Variants in MOB3B observed in about 807,000 individuals in gnomAD.
MOB3B encodes the protein MOB kinase activator-like 2B.
MOB3B carries 7 observed loss-of-function variants against 18.7 expected under a neutral mutation model. The observed-to-expected ratio is 0.37, with a 90% CI of 0.21 to 0.70. The LOEUF is 0.70. Ranked by LOEUF, MOB3B falls within the 30% of genes least tolerant of loss-of-function variation. The pLI is 0.52. For synonymous variants in MOB3B, 111 were observed against 99.9 expected (o/e 1.11, Z -0.66); for missense variants, 253 against 281.3 (o/e 0.90, Z 0.72).
At chr9:27,389,140 A>G (rs570857220) in intron 2 of MOB3B, among the ~76,000 whole-genome samples, 2 of 152,332 alleles carry the variant, frequency 1.3e-5, no homozygotes, top group Admixed American at 1.3e-4. Context: ...TTATATCAGG[A>G]GTACTCATAG....
At position 27,474,143 on chromosome 9, in the gene MOB3B, TC is replaced by T. The variant is rs1472585050; in HGVS notation, c.-198-18396del. ...AAGACACACAGATATTTACACGATC[TC>T]ATTTTTATTATAGTCTAGGTTTACA... On this transcript the variant is annotated intron_variant, in intron 1 of 3. Coordinates refer to ENST00000262244, the MANE Select transcript of MOB3B (RefSeq NM_024761.5). Among the ~76,000 whole-genome samples the T allele has an allele frequency of 3.3e-5, 5 of 152,356 alleles. No homozygotes were observed. The South Asian group carries it at 8.3e-4, about 25-fold the overall frequency.
At chr9:27,460,119 A>G (rs796693658) in intron 1 of MOB3B, among the ~76,000 whole-genome samples, 8 of 152,344 alleles carry the variant, frequency 5.3e-5, no homozygotes, top group African/African-American at 1.9e-4. Context: ...ACAATTTGGT[A>G]TGTAGTTTTG....
intron 1 of MOB3B, among the ~76,000 whole-genome samples, chr9:27,476,741 T>C (rs1819558680): frequency 6.6e-6 from 1 of 152,196 alleles, no homozygotes; most frequent in South Asian, 2.1e-4. Flanking sequence ...GACATCCAAC[T>C]TACAAGGAGT....
chr9:27,355,273 G>T (rs536995510), intron 3 of MOB3B, among the ~76,000 whole-genome samples: 63 of 152,256 alleles, frequency 4.1e-4, no homozygotes, highest in African/African-American at 1.5e-3. Flanking sequence ...GGTGGTGGGG[G>T]GGTCTCAGAG....
intron 2 of MOB3B, among the ~76,000 whole-genome samples, chr9:27,415,911 C>T (rs772804828): frequency 1.3e-5 from 2 of 152,068 alleles, no homozygotes; most frequent in Admixed American, 6.6e-5. Context: ...GGGTTTCGTG[C>T]GTGTATTTAT....
In MOB3B at chr9:27,370,757, A is replaced by G. The variant is rs548411818; in HGVS notation, c.419-11521T>C. On this transcript the variant is annotated intron_variant, in intron 2 of 3. Coordinates refer to ENST00000262244, the MANE Select transcript of MOB3B (RefSeq NM_024761.5). The stretch of plus-strand genomic sequence containing the variant: ...CAGCTTGAATGGACTAGGCCAGTGA[A>G]TAAACAAATAACCATAGAAACCTGA... 1.2e-4 allele frequency among the ~76,000 whole-genome samples: 18 copies of G among 152,318 alleles called. No individual in the cohort carries two copies. The South Asian group carries it at 3.7e-3, about 32-fold the overall frequency.
Position 27,484,449 on chromosome 9 carries a change from C to T in MOB3B, c.-198-28701G>A, listed in dbSNP as rs376240809. Among the ~76,000 whole-genome samples the T allele has an allele frequency of 3.5e-3, 538 of 152,238 alleles. 1 individual carries two copies. Among genetic ancestry groups the T allele is most frequent in the Middle Eastern group, 0.024 (7 of 294 alleles). ...GAAGCCATGGCAAGTGGACATTTCT[C>T]CCTGTGCAAAACTGATGAGTGGGAG... On this transcript the variant is annotated intron_variant, in intron 1 of 3. Coordinates refer to ENST00000262244, the MANE Select transcript of MOB3B (RefSeq NM_024761.5).
intron 2 of MOB3B, among the ~76,000 whole-genome samples, chr9:27,410,309 G>T (rs901856076): frequency 5.9e-5 from 9 of 152,040 alleles, no homozygotes; most frequent in African/African-American, 1.7e-4. Flanking sequence ...ACCCAATGGG[G>T]TCATTTATTC....
At chr9:27,501,573 A>T (rs1587261984) in intron 1 of MOB3B, among the ~76,000 whole-genome samples, 1 of 140,666 alleles carries the variant, frequency 7.1e-6, no homozygotes, top group Non-Finnish European at 1.6e-5. Context: ...ACACAGGGAG[A>T]GGAACATCAC....
rs183747046 is a variant in MOB3B at position 27,420,911 on chromosome 9, C to A, written c.418+34222G>T. Among the ~76,000 whole-genome samples the A allele has an allele frequency of 8.6e-3, 919 of 106,752 alleles. 6 individuals are homozygous for A. Among genetic ancestry groups the A allele is most frequent in the African/African-American group, 0.024 (896 of 38,054 alleles). The allele number at this position is 106,752 out of a possible 152,430, so 70.0% of individuals were successfully genotyped here. ...CCACTAAAGAACTTACTCATGTAAC[C>A]AAATACCACCTATACCTCAATAACT... On this transcript the variant is annotated intron_variant, in intron 2 of 3. Coordinates refer to ENST00000262244, the MANE Select transcript of MOB3B (RefSeq NM_024761.5).
chr9:27,358,520 C>T (rs1821226232), intron 3 of MOB3B, among the ~76,000 whole-genome samples: 1 of 152,178 alleles, frequency 6.6e-6, no homozygotes, highest in Admixed American at 6.5e-5. Context: ...AAAGCAAAGT[C>T]CCTATGAGAC....
chr9:27,369,931 T>C (rs1485989092), intron 2 of MOB3B, among the ~76,000 whole-genome samples: 1 of 123,758 alleles, frequency 8.1e-6, no homozygotes, highest in Non-Finnish European at 1.6e-5. Context: ...CAACTTTTAA[T>C]TGTCCTTTTT....
intron 2 of MOB3B, among the ~76,000 whole-genome samples, chr9:27,405,711 A>G (rs948780829): frequency 5.9e-5 from 9 of 152,216 alleles, no homozygotes; most frequent in Non-Finnish European, 1.3e-4. Context: ...ATGAACACAG[A>G]TGCAAAAATC....
At chr9:27,386,728 T>C (rs950865148) in intron 2 of MOB3B, among the ~76,000 whole-genome samples, 2 of 152,238 alleles carry the variant, frequency 1.3e-5, no homozygotes, top group African/African-American at 4.8e-5. Context: ...GGAATTGCAT[T>C]CAGAGCACAT....
At chr9:27,470,114 GAAAAAAAAAA>G (rs751414011) in intron 1 of MOB3B, among the ~76,000 whole-genome samples, 3 of 125,968 alleles carry the variant, frequency 2.4e-5, no homozygotes, top group Admixed American at 1.7e-4. Flanking sequence ...TCTCTTAAAA[GAAAAAAAAAA>G]AAAAGAAAAG....
chr9:27,384,433 A>T (rs1326560735), intron 2 of MOB3B, among the ~76,000 whole-genome samples: 1 of 152,160 alleles, frequency 6.6e-6, no homozygotes, highest in Non-Finnish European at 1.5e-5. Context: ...AGAGCTCAGT[A>T]ATTCAAACAA....
rs1464501512 is a variant in MOB3B at position 27,492,298 on chromosome 9, G to A, written c.-198-36550C>T. 2.6e-5 allele frequency among the ~76,000 whole-genome samples: 4 copies of A among 152,102 alleles called. No homozygotes were observed. The South Asian group carries it at 6.2e-4, about 24-fold the overall frequency. ...ACACTCATTATAATGATCATAAAAT[G>A]TCACAATTTTCCTTTAATTGAATAG... On this transcript the variant is annotated intron_variant, in intron 1 of 3. Coordinates refer to ENST00000262244, the MANE Select transcript of MOB3B (RefSeq NM_024761.5).
chr9:27,515,466 T>A (rs1405430545), intron 1 of MOB3B, among the ~76,000 whole-genome samples: 2 of 152,196 alleles, frequency 1.3e-5, no homozygotes, highest in African/African-American at 4.8e-5. Context: ...TTCCATTTCC[T>A]CCTCTTTAAA....
chr9:27,417,257 G>C (rs1057389018), intron 2 of MOB3B, among the ~76,000 whole-genome samples: 3 of 152,142 alleles, frequency 2.0e-5, no homozygotes, highest in Non-Finnish European at 4.4e-5. Context: ...CCAGCAACTC[G>C]GGAGGCTGAG....
Sources: allele counts gnomAD v4.1 joint callset (sites outside exome capture counted in the v4.1 genomes callset), GRCh38; gene constraint gnomAD v4.1.1; transcripts MANE v1.5; gene names NCBI Gene and HGNC (gene_info 2026-07-23, HGNC 2026-07-21).